Variants in KIAA1328 observed in about 807,000 individuals in gnomAD.
KIAA1328 encodes KIAA1328, also known as protein hinderin.
Under a neutral mutation model 68.1 loss-of-function variants are expected in KIAA1328, and 52 were observed. That is an observed-to-expected ratio of 0.76 (90% CI 0.61 to 0.96). The LOEUF (loss-of-function observed/expected upper bound fraction) is 0.96, where lower values mean the gene tolerates loss of function less well. KIAA1328 is among the 40% of genes least tolerant of loss of function. The probability of loss-of-function intolerance (pLI) is 0.00; values close to 1 mark genes in which losing one functional copy is unlikely to be tolerated. For synonymous variants in KIAA1328, 232 were observed against 239.4 expected, an observed-to-expected ratio of 0.97 and a Z score of 0.28; for missense variants, 641 against 677.6, an observed-to-expected ratio of 0.95 and a Z score of 0.60.
chr18:37,150,514 A>G (rs1391613782), intron 7 of KIAA1328, among the ~76,000 whole-genome samples: 1 of 152,060 alleles, frequency 6.6e-6, no homozygotes, highest in Non-Finnish European at 1.5e-5. Flanking sequence ...AAGGCATTAG[A>G]AGAAAAGAAA....
At chr18:36,904,541 C>T (rs1346209714) in intron 5 of KIAA1328, among the ~76,000 whole-genome samples, 1 of 152,074 alleles carries the variant, frequency 6.6e-6, no homozygotes, top group Non-Finnish European at 1.5e-5. Flanking sequence ...TATTGACCTA[C>T]TCTAGCTTCT....
chr18:36,878,816 T>C (rs1037778353), intron 4 of KIAA1328, among the ~76,000 whole-genome samples: 2 of 152,254 alleles, frequency 1.3e-5, no homozygotes, highest in Admixed American at 1.3e-4. Flanking sequence ...CGGCTATTGA[T>C]ACTTGTGTAT....
At chr18:36,914,446 G>A (rs1412086811) in intron 5 of KIAA1328, among the ~76,000 whole-genome samples, 2 of 152,180 alleles carry the variant, frequency 1.3e-5, no homozygotes, top group African/African-American at 2.4e-5. Flanking sequence ...CCAGGGCCGG[G>A]CGTGGTGGCT....
intron 4 of KIAA1328, among the ~76,000 whole-genome samples, chr18:36,858,868 C>G (rs2047465767): frequency 6.6e-6 from 1 of 152,190 alleles, no homozygotes; most frequent in Non-Finnish European, 1.5e-5. Context: ...CATGTTTGCT[C>G]TTAATACTTT....
chr18:37,007,665 A>C (rs1209256397), intron 6 of KIAA1328, among the ~76,000 whole-genome samples: 1 of 152,212 alleles, frequency 6.6e-6, no homozygotes, highest in African/African-American at 2.4e-5. Context: ...AGTTTCTAAA[A>C]AGTAAGAATA....
chr18:36,865,438 C>T (rs1357982467), intron 4 of KIAA1328, among the ~76,000 whole-genome samples: 2 of 152,042 alleles, frequency 1.3e-5, no homozygotes. Context: ...TGATTTTGAG[C>T]CTTGTTTTAT....
At chr18:37,191,819 G>C (rs575949241) in intron 9 of KIAA1328, among the ~76,000 whole-genome samples, 6 of 152,144 alleles carry the variant, frequency 3.9e-5, no homozygotes, top group Admixed American at 6.5e-5. Context: ...TGGCTCTTCT[G>C]GGAGCCATCT....
intron 5 of KIAA1328, among the ~76,000 whole-genome samples, chr18:36,948,261 G>GTTTTTTTTTTTTTTTTTTTTTTTTTTTT (rs1167822236): frequency 8.6e-6 from 1 of 115,746 alleles, no homozygotes; most frequent in Non-Finnish European, 1.8e-5. Flanking sequence ...TTTGTCTTTT[G>GTTTTTTTTTTTTTTTTTTTTTTTTTTTT]TTTTTTTTTT....
intron 9 of KIAA1328, 79 bp downstream of exon 9, chr18:37,173,160 A>G (rs766107537): frequency 9.7e-7 from 1 of 1,030,458 alleles, no homozygotes; most frequent in Non-Finnish European, 1.4e-6. Flanking sequence ...TAAGGAAGGG[A>G]AAAATCTTGA....
At chr18:37,161,283 C>T (rs2059273640) in intron 8 of KIAA1328, among the ~76,000 whole-genome samples, 1 of 152,130 alleles carries the variant, frequency 6.6e-6, no homozygotes, top group African/African-American at 2.4e-5. Flanking sequence ...TTGGGCAGTG[C>T]TTTGTGAGAT....
At chr18:37,100,386 C>T (rs548391328) in intron 7 of KIAA1328, among the ~76,000 whole-genome samples, 5 of 152,354 alleles carry the variant, frequency 3.3e-5, no homozygotes, top group African/African-American at 1.2e-4. Context: ...CTGTGCCTGG[C>T]TCGGAGGGTC....
chr18:37,056,913 G>A (rs1032492696), intron 6 of KIAA1328, among the ~76,000 whole-genome samples: 16 of 152,244 alleles, frequency 1.1e-4, no homozygotes, highest in Non-Finnish European at 2.1e-4. Flanking sequence ...AAAGTACTGG[G>A]ATTACAGGCA....
chr18:37,158,359 T>C (rs982603738), intron 7 of KIAA1328, among the ~76,000 whole-genome samples: 1 of 152,148 alleles, frequency 6.6e-6, no homozygotes, highest in Non-Finnish European at 1.5e-5. Context: ...TGATACCCAT[T>C]TGTGGTTCCT....
At chr18:36,937,667 T>C (rs2050554749) in intron 5 of KIAA1328, among the ~76,000 whole-genome samples, 1 of 152,200 alleles carries the variant, frequency 6.6e-6, no homozygotes, top group Non-Finnish European at 1.5e-5. Flanking sequence ...TATTTTTTAA[T>C]TGAGGTAATA....
intron 6 of KIAA1328, chr18:37,063,474 A>G (rs1298767613): frequency 5.1e-6 from 1 of 197,576 alleles, no homozygotes; most frequent in African/African-American, 2.4e-5. Context: ...CTGTTTTGCC[A>G]TAAAATGTAA....
At chr18:36,926,668 A>G (rs147876724) in intron 5 of KIAA1328, among the ~76,000 whole-genome samples, 2 of 152,292 alleles carry the variant, frequency 1.3e-5, no homozygotes, top group African/African-American at 4.8e-5. Flanking sequence ...GAGAATGTTC[A>G]TATATATTTG....
At chr18:37,029,181 T>C (rs1459346645) in intron 6 of KIAA1328, among the ~76,000 whole-genome samples, 1 of 148,674 alleles carries the variant, frequency 6.7e-6, no homozygotes, top group Non-Finnish European at 1.5e-5. Flanking sequence ...TTTTTATTAA[T>C]GATTTAATTT....
chr18:36,973,392 G>T (rs975852862), intron 6 of KIAA1328, among the ~76,000 whole-genome samples: 19 of 152,076 alleles, frequency 1.2e-4, no homozygotes, highest in Non-Finnish European at 2.5e-4. Flanking sequence ...GTTAACGGGT[G>T]CAGCACACAA....
intron 5 of KIAA1328, among the ~76,000 whole-genome samples, chr18:36,940,165 G>C (rs565459819): frequency 8.5e-5 from 13 of 152,330 alleles, no homozygotes; most frequent in African/African-American, 3.1e-4. Context: ...AGAAGTGCAA[G>C]ATGGGCAGAA....
Sources: gnomAD v4.1 joint callset for allele counts (sites outside exome capture counted in the v4.1 genomes callset) on GRCh38, gnomAD v4.1.1 for gene constraint, MANE v1.5 for transcripts, NCBI Gene and HGNC (gene_info 2026-07-23, HGNC 2026-07-21) for gene names.